The following TFEC variants were observed in gnomAD, a reference collection of about 807,000 sequenced individuals.
TFEC encodes transcription factor EC.
A neutral mutation model predicts 41.6 loss-of-function variants in TFEC; 31 were observed. That is an observed-to-expected ratio of 0.74 (90% CI 0.56 to 1.01). TFEC has a LOEUF of 1.01. Ranked by LOEUF, TFEC falls within the 50% of genes least tolerant of loss-of-function variation. The probability of loss-of-function intolerance (pLI) is 0.00; values close to 1 mark genes in which losing one functional copy is unlikely to be tolerated. For missense variants in TFEC, 402 were observed against 404.1 expected (o/e 0.99, Z 0.04); for synonymous variants, 143 against 140.6 (o/e 1.02, Z -0.12).
chr7:115,949,850 G>T (rs1791832703), intron 6 of TFEC, among the ~76,000 whole-genome samples: 1 of 152,072 alleles, frequency 6.6e-6, no homozygotes, highest in Middle Eastern at 3.2e-3. Flanking sequence ...ATTGACAAAT[G>T]GGATCTAATT....
intron 3 of TFEC, chr7:116,110,643 G>T (rs1200648749): frequency 9.0e-7 from 1 of 1,115,988 alleles, no homozygotes; most frequent in East Asian, 3.2e-5. Context: ...AAAACAGACA[G>T]ATTTTCAGAG....
chr7:115,969,146 G>A (rs1392915148), intron 3 of TFEC, among the ~76,000 whole-genome samples: 2 of 151,718 alleles, frequency 1.3e-5, no homozygotes, highest in African/African-American at 4.8e-5. Context: ...ACATGCATTT[G>A]CTGAGCACCT....
intron 1 of TFEC, among the ~76,000 whole-genome samples, chr7:116,126,397 AT>A (rs1442563310): frequency 6.6e-6 from 1 of 152,124 alleles, no homozygotes; most frequent in Non-Finnish European, 1.5e-5. Flanking sequence ...GAAGTATAAC[AT>A]TAAGTAAACT....
chr7:115,973,153 T>C (rs1395376796), intron 3 of TFEC, among the ~76,000 whole-genome samples: 2 of 151,850 alleles, frequency 1.3e-5, no homozygotes, highest in South Asian at 2.1e-4. Flanking sequence ...ATTTAGCAGG[T>C]AGAGTTAGTA....
chr7:116,030,450 T>C (rs911293270), intron 1 of TFEC, among the ~76,000 whole-genome samples, 183 bp downstream of exon 1: 7 of 152,198 alleles, frequency 4.6e-5, no homozygotes, highest in African/African-American at 1.7e-4. Flanking sequence ...TTCAGACATA[T>C]TTTCCCCAAA....
chr7:116,009,332 C>T (rs1324745580), intron 1 of TFEC, among the ~76,000 whole-genome samples: 1 of 152,082 alleles, frequency 6.6e-6, no homozygotes, highest in Admixed American at 6.6e-5. Flanking sequence ...AACAGCCATG[C>T]ACATACTAAA....
Position 115,940,390 on chromosome 7 carries a change from T to C in TFEC, c.*161A>G. 1.3e-6 allele frequency: 1 copy of C among 770,852 alleles called. No individual in the cohort carries two copies. The highest frequency in any genetic ancestry group is 1.9e-6 in the Non-Finnish European group (1 of 517,478). The allele number at this position is 770,852 out of a possible 1,614,324, so 47.8% of individuals were successfully genotyped here. A position where few individuals can be genotyped will look rare whatever the true frequency, so the allele number is the denominator to read the frequency against. Reference sequence around the variant, plus strand: ...CAATAATTCATTAACACTATGATTTTTCTTCCTGCGAATTCTTCTGTTGCT... The same window carrying C: ...CAATAATTCATTAACACTATGATTTCTCTTCCTGCGAATTCTTCTGTTGCT... On this transcript the variant is annotated 3_prime_UTR_variant, in exon 8 of 8. Coordinates refer to ENST00000265440, the MANE Select transcript of TFEC (RefSeq NM_012252.4).
intron 6 of TFEC, among the ~76,000 whole-genome samples, chr7:115,947,190 G>T (rs1348476893): frequency 6.7e-6 from 1 of 150,304 alleles, no homozygotes; most frequent in African/African-American, 2.4e-5. Flanking sequence ...TTGTTCTTGT[G>T]ATAGTTTACT....
At chr7:115,973,723 A>G (rs995497400) in intron 3 of TFEC, among the ~76,000 whole-genome samples, 1 of 152,034 alleles carries the variant, frequency 6.6e-6, no homozygotes, top group Middle Eastern at 3.2e-3. Flanking sequence ...TTGGCTTAGA[A>G]GTAAATTTAT....
At chr7:116,118,741 G>A (rs888381447) in intron 1 of TFEC, among the ~76,000 whole-genome samples, 2 of 151,828 alleles carry the variant, frequency 1.3e-5, no homozygotes, top group Admixed American at 1.3e-4. Context: ...CAAAGATACA[G>A]TAGGAGATAT....
intron 1 of TFEC, among the ~76,000 whole-genome samples, chr7:116,142,503 C>T (rs1395251316): frequency 6.6e-6 from 1 of 152,086 alleles, no homozygotes; most frequent in Non-Finnish European, 1.5e-5. Context: ...AGACACCTGA[C>T]CCTAGTTGAA....
At chr7:116,087,752 T>C (rs1297689856) in intron 3 of TFEC, among the ~76,000 whole-genome samples, 1 of 152,000 alleles carries the variant, frequency 6.6e-6, no homozygotes, top group African/African-American at 2.4e-5. Flanking sequence ...AAACCTACTA[T>C]TAATGAAAAA....
At chr7:115,979,551 A>G (rs1236104288) in intron 2 of TFEC, among the ~76,000 whole-genome samples, 1 of 152,184 alleles carries the variant, frequency 6.6e-6, no homozygotes, top group Non-Finnish European at 1.5e-5. Flanking sequence ...GTCTGAATGA[A>G]GAAATAAATG....
intron 3 of TFEC, among the ~76,000 whole-genome samples, chr7:115,965,696 C>T (rs551433807): frequency 2.8e-4 from 43 of 151,688 alleles, no homozygotes; most frequent in Middle Eastern, 3.4e-3. Flanking sequence ...ATCAGTGCTG[C>T]TCTATAAGAA....
intron 1 of TFEC, among the ~76,000 whole-genome samples, chr7:116,155,524 A>C (rs1270890962): frequency 6.6e-6 from 1 of 152,148 alleles, no homozygotes; most frequent in East Asian, 1.9e-4. Context: ...CATTAAACTC[A>C]GGCACATTTT....
intron 2 of TFEC, among the ~76,000 whole-genome samples, chr7:115,976,355 G>A (rs1793378870): frequency 6.6e-6 from 1 of 152,084 alleles, no homozygotes; most frequent in Non-Finnish European, 1.5e-5. Flanking sequence ...AACCCCGGAG[G>A]CAGAGTCTAC....
In TFEC at chr7:115,974,929, G is replaced by A. The variant is rs556310974; in HGVS notation, c.181-673C>T. Reference sequence around the variant, plus strand: ...TGAGAGGTACCAGGCATGCTTCTAAGTGCTTTACATACATCATTCATTTAA... The same window carrying A: ...TGAGAGGTACCAGGCATGCTTCTAAATGCTTTACATACATCATTCATTTAA... On this transcript the variant is annotated intron_variant, in intron 2 of 7. Transcript: ENST00000265440. Among the ~76,000 whole-genome samples, 4 of 152,056 alleles carry A rather than the reference G, an allele frequency of 2.6e-5. No individual in the cohort carries two copies. The East Asian group carries it at 7.7e-4, about 29-fold the overall frequency.
intron 3 of TFEC, among the ~76,000 whole-genome samples, chr7:116,067,732 A>G (rs1253968162): frequency 1.3e-5 from 2 of 151,998 alleles, no homozygotes; most frequent in African/African-American, 2.4e-5. Context: ...TACTTAATTC[A>G]TCATTAGCCA....
chr7:115,991,590 A>G (rs1794115861), intron 1 of TFEC, among the ~76,000 whole-genome samples: 1 of 152,240 alleles, frequency 6.6e-6, no homozygotes, highest in African/African-American at 2.4e-5. Context: ...TCTCTGATAA[A>G]CAGACTTTAA....
Sources: allele counts gnomAD v4.1 joint callset (sites outside exome capture counted in the v4.1 genomes callset), GRCh38; gene constraint gnomAD v4.1.1; transcripts MANE v1.5; gene names NCBI Gene and HGNC (gene_info 2026-07-23, HGNC 2026-07-21).